The following GASK1B variants were observed in gnomAD, a reference collection of about 807,000 sequenced individuals.
GASK1B encodes the protein Golgi-associated kinase 1B.
Under a neutral mutation model 42.8 loss-of-function variants are expected in GASK1B, and 34 were observed. The ratio of observed to expected loss-of-function variants is 0.79; its 90% confidence interval spans 0.60 to 1.06. GASK1B has a LOEUF of 1.06. GASK1B is among the 50% of genes least tolerant of loss of function. The pLI, the probability that GASK1B is intolerant of heterozygous loss-of-function variation, is 0.00. For missense variants in GASK1B, 686 were observed against 661.0 expected, an observed-to-expected ratio of 1.04 and a Z score of -0.42; for synonymous variants, 262 against 259.1, an observed-to-expected ratio of 1.01 and a Z score of -0.11.
chr4:158,160,180 A>G (rs1731918581), intron 2 of GASK1B, among the ~76,000 whole-genome samples: 4 of 152,184 alleles, frequency 2.6e-5, no homozygotes, highest in Admixed American at 2.6e-4. Flanking sequence ...CATCTTTGTT[A>G]TAGGAAACAA....
Position 158,170,709 on chromosome 4 carries a change from T to C in GASK1B, c.667A>G (p.Arg223Gly). The change falls in exon 2 of 5, where the codon AGA becomes GGA. Residue 223 changes from arginine (R) to glycine (G), a missense_variant. Arg to Gly is a moderately radical substitution (Grantham distance 125). Transcript: ENST00000585682. The stretch of plus-strand genomic sequence containing the variant: ...GCGCTGTCCGCCAAGAGTCGCATTC[T>C]TCGGATGTCATCTTTGCTCAGCCAG... ...PSWLSKDDIR[R>G]MRLLADSAVA... 1 of 1,614,204 alleles carries C rather than the reference T, an allele frequency of 6.2e-7. No homozygotes were observed. Among genetic ancestry groups the C allele is most frequent in the South Asian group, 1.1e-5 (1 of 91,090 alleles).
chr4:158,130,863 C>T lies in GASK1B; in HGVS notation c.1275G>A (p.Leu425=). The T allele has an allele frequency of 6.2e-7, 1 of 1,613,986 alleles. No homozygotes were observed. The highest frequency in any genetic ancestry group is 8.5e-7 in the Non-Finnish European group (1 of 1,179,962). The part of the protein sequence containing the change: ...IIQRKHDPRH[L]VFIDNKGFFD... Reference sequence around the variant, plus strand: ...AGAAACCCTTGTTGTCTATAAAAACCAAATGCCTTGGGTCATGCTTTCGCT... The same window carrying T: ...AGAAACCCTTGTTGTCTATAAAAACTAAATGCCTTGGGTCATGCTTTCGCT... The change falls in exon 4 of 5, where the codon TTG becomes TTA. Residue 425 remains leucine (L), a synonymous_variant. Transcript: ENST00000585682.
At position 158,127,156 on chromosome 4, in the gene GASK1B, C is replaced by A; in HGVS notation, c.*251G>T. 1 of 299,950 alleles carries A rather than the reference C, an allele frequency of 3.3e-6. No homozygotes were observed. Among genetic ancestry groups the A allele is most frequent in the Non-Finnish European group, 6.1e-6 (1 of 163,016 alleles). The allele number at this position is 299,950 out of a possible 1,614,324, so 18.6% of individuals were successfully genotyped here. On this transcript the variant is annotated 3_prime_UTR_variant, in exon 5 of 5. Coordinates refer to ENST00000585682, the MANE Select transcript of GASK1B (RefSeq NM_001128424.2). Reference sequence around the variant, plus strand: ...ACTGAAATTTCTGTTGTCAGATGTTCAGACTGACACATAGCATGATGTTAG... The same window carrying A: ...ACTGAAATTTCTGTTGTCAGATGTTAAGACTGACACATAGCATGATGTTAG...
At chr4:158,158,421 G>GA (rs1248876176) in intron 2 of GASK1B, among the ~76,000 whole-genome samples, 1 of 151,956 alleles carries the variant, frequency 6.6e-6, no homozygotes, top group Non-Finnish European at 1.5e-5. Context: ...TAAATGTCAA[G>GA]TTTTTTGCTT....
At position 158,170,695 on chromosome 4, in the gene GASK1B, C is replaced by T. The variant is rs1189765679; in HGVS notation, c.681G>A (p.Leu227=). The T allele has an allele frequency of 1.2e-6, 2 of 1,614,082 alleles. No individual in the cohort carries two copies. The highest frequency in any genetic ancestry group is 8.5e-7 in the Non-Finnish European group (1 of 1,180,052). ...SKDDIRRMRL[L]ADSAVAGLRP... Reference sequence around the variant, plus strand: ...GGAGCCCTGCCACTGCGCTGTCCGCCAAGAGTCGCATTCTTCGGATGTCAT... The same window carrying T: ...GGAGCCCTGCCACTGCGCTGTCCGCTAAGAGTCGCATTCTTCGGATGTCAT... The change falls in exon 2 of 5, where the codon TTG becomes TTA. Residue 227 remains leucine (L), a synonymous_variant. Coordinates refer to ENST00000585682, the MANE Select transcript of GASK1B (RefSeq NM_001128424.2).
At chr4:158,146,824 A>G (rs538042878) in intron 3 of GASK1B, among the ~76,000 whole-genome samples, 1 of 152,352 alleles carries the variant, frequency 6.6e-6, no homozygotes, top group African/African-American at 2.4e-5. Context: ...AACACTCTCT[A>G]GAATACTTCT....
chr4:158,149,922 G>GTTTTT (rs1560785203), intron 3 of GASK1B, among the ~76,000 whole-genome samples: 1 of 15,526 alleles, frequency 6.4e-5, no homozygotes, highest in Admixed American at 9.4e-4. Flanking sequence ...TCTGCATGCT[G>GTTTTT]CTTTTTTTTT....
chr4:158,132,185 T>C (rs1041312231), intron 3 of GASK1B, among the ~76,000 whole-genome samples: 26 of 152,008 alleles, frequency 1.7e-4, no homozygotes, highest in Non-Finnish European at 3.2e-4. Flanking sequence ...ACGATTTTTT[T>C]CCCCAGTACG....
intron 2 of GASK1B, chr4:158,169,674 T>C (rs911238283): frequency 6.5e-6 from 1 of 153,208 alleles, no homozygotes; most frequent in African/African-American, 2.4e-5. Flanking sequence ...CTCACTGTAC[T>C]TTGTATTCGA....
At chr4:158,147,181 G>A (rs375982632) in intron 3 of GASK1B, among the ~76,000 whole-genome samples, 2 of 152,132 alleles carry the variant, frequency 1.3e-5, no homozygotes, top group Admixed American at 6.5e-5. Context: ...AATTTTCAGT[G>A]TAATTGATGA....
intron 3 of GASK1B, among the ~76,000 whole-genome samples, chr4:158,131,520 A>C (rs1177812165): frequency 6.6e-6 from 1 of 152,226 alleles, no homozygotes; most frequent in African/African-American, 2.4e-5. Flanking sequence ...TCTATTGAAA[A>C]GATGTGAGAC....
intron 3 of GASK1B, among the ~76,000 whole-genome samples, chr4:158,146,170 C>T (rs1731324047): frequency 6.6e-6 from 1 of 150,882 alleles, no homozygotes; most frequent in African/African-American, 2.4e-5. Flanking sequence ...TAAACCATGC[C>T]CTGTGTAAGT....
intron 3 of GASK1B, among the ~76,000 whole-genome samples, chr4:158,143,211 G>A (rs1166701488): frequency 6.6e-6 from 1 of 152,180 alleles, no homozygotes; most frequent in Admixed American, 6.5e-5. Flanking sequence ...AGTAGACAGA[G>A]ATAGAGATTT....
intron 3 of GASK1B, among the ~76,000 whole-genome samples, chr4:158,148,142 A>G (rs1731403523): frequency 6.6e-6 from 1 of 152,172 alleles, no homozygotes; most frequent in Admixed American, 6.5e-5. Flanking sequence ...TGAGCCCAAG[A>G]GTCTGAGGTT....
chr4:158,154,165 GAA>G (rs202053643), intron 3 of GASK1B, among the ~76,000 whole-genome samples: 3,001 of 129,716 alleles, frequency 0.023, 73 homozygotes, highest in African/African-American at 0.07. Flanking sequence ...AAATCAGCAA[GAA>G]AAAAAAAAAA....
chr4:158,128,296 A>G (rs6536299), intron 4 of GASK1B, among the ~76,000 whole-genome samples: 121,532 of 152,058 alleles, frequency 0.8, 49,220 homozygotes, highest in East Asian at 0.94. Flanking sequence ...TAGTTCCACA[A>G]TGAAAGTCTC....
rs895349700 is a variant in GASK1B, at chr4:158,126,430, C to A, written c.*977G>T. The A allele has an allele frequency of 6.6e-6, 1 of 152,078 alleles. No homozygotes were observed. Among genetic ancestry groups the A allele is most frequent in the Admixed American group, 6.6e-5 (1 of 15,250 alleles). 9.4% of individuals were successfully genotyped at this position (152,078 alleles called of 1,614,324 possible). ...AAATAAGCCAGATAATATATTGAAA[C>A]ACACTCAATATTTGAACCAATTCTC... On this transcript the variant is annotated 3_prime_UTR_variant, in exon 5 of 5. Transcript: ENST00000585682.
chr4:158,140,932 G>C (rs1731090732), intron 3 of GASK1B, among the ~76,000 whole-genome samples: 1 of 152,176 alleles, frequency 6.6e-6, no homozygotes, highest in South Asian at 2.1e-4. Context: ...ATATACTGCA[G>C]TTTTGATTAA....
chr4:158,163,443 C>T (rs139006328), intron 2 of GASK1B, among the ~76,000 whole-genome samples: 188 of 152,140 alleles, frequency 1.2e-3, no homozygotes, highest in Non-Finnish European at 2.0e-3. Flanking sequence ...GTGACAGGCA[C>T]CTGTAATCCC....
Sources: gnomAD v4.1 joint callset for allele counts (sites outside exome capture counted in the v4.1 genomes callset) on GRCh38, gnomAD v4.1.1 for gene constraint, MANE v1.5 for transcripts, NCBI Gene and HGNC (gene_info 2026-07-23, HGNC 2026-07-21) for gene names.